TCP11L1: variants seen among roughly 807,000 people sequenced by gnomAD.
TCP11L1 encodes t-complex 11 like 1.
TCP11L1 carries 28 observed loss-of-function variants against 48.9 expected under a neutral mutation model. The observed-to-expected ratio is 0.57, with a 90% confidence interval of 0.42 to 0.78. TCP11L1 has a LOEUF of 0.78. Among genes scored for constraint, TCP11L1 ranks in the 30% least tolerant of loss-of-function variants. TCP11L1 has a pLI of 0.00. For synonymous variants in TCP11L1, 204 were observed against 231.9 expected (o/e 0.88, Z 1.09); for missense variants, 505 against 613.4 (o/e 0.82, Z 1.87).
intron 5 of TCP11L1, among the ~76,000 whole-genome samples, chr11:33,058,665 T>C (rs1564982246): frequency 1.3e-5 from 2 of 152,256 alleles, no homozygotes; most frequent in South Asian, 4.1e-4. Flanking sequence ...ATATTTTTTA[T>C]ACATTAATTT....
chr11:33,058,236 T>TC, intron 5 of TCP11L1, 97 bp downstream of exon 5: 1 of 1,186,516 alleles, frequency 8.4e-7, no homozygotes, highest in African/African-American at 1.6e-5. Context: ...TCTCACTCTG[T>TC]TGCAAAGGCT....
intron 2 of TCP11L1, 168 bp downstream of exon 2, chr11:33,044,104 G>A (rs1031104107): frequency 1.7e-6 from 1 of 599,112 alleles, no homozygotes; most frequent in African/African-American, 1.9e-5. Context: ...CTAGCTACTT[G>A]TGGATTTTCA....
At chr11:33,055,021 A>G (rs992820366) in intron 3 of TCP11L1, among the ~76,000 whole-genome samples, 1 of 152,232 alleles carries the variant, frequency 6.6e-6, no homozygotes, top group Non-Finnish European at 1.5e-5. Flanking sequence ...TTTCATCGCA[A>G]AGGCGAAGAC....
intron 1 of TCP11L1, among the ~76,000 whole-genome samples, chr11:33,042,565 A>G (rs1390419865): frequency 6.6e-6 from 1 of 152,144 alleles, no homozygotes; most frequent in African/African-American, 2.4e-5. Flanking sequence ...TCTTACTCAC[A>G]ATCTTTTTCC....
At chr11:33,050,663 C>T (rs979729169) in intron 2 of TCP11L1, among the ~76,000 whole-genome samples, 1 of 151,704 alleles carries the variant, frequency 6.6e-6, no homozygotes, top group South Asian at 2.1e-4. Context: ...AACAAAAAAA[C>T]CTTTTTATTT....
At chr11:33,048,689 GT>G (rs1306315852) in intron 2 of TCP11L1, among the ~76,000 whole-genome samples, 1 of 152,104 alleles carries the variant, frequency 6.6e-6, no homozygotes, top group Non-Finnish European at 1.5e-5. Context: ...GGTGCAAGCT[GT>G]TTTTTTCCAA....
intron 2 of TCP11L1, 115 bp from the exon 3 acceptor site, chr11:33,054,478 T>G: frequency 1.5e-6 from 2 of 1,306,810 alleles, no homozygotes; most frequent in Non-Finnish European, 2.1e-6. Flanking sequence ...AGAACAAACA[T>G]TTTAATAGAC....
In TCP11L1 at chr11:33,059,841, G is replaced by A. The variant is rs142546115; in HGVS notation, c.775+746G>A. On this transcript the variant is annotated intron_variant, in intron 6 of 9. Transcript: ENST00000334274. ...AGGAGTCTGAGGTAGTGCTGGGGCC[G>A]GGGCAGGTTGAGAAAGGACAGGGTA... Among the ~76,000 whole-genome samples the A allele has an allele frequency of 2.7e-3, 405 of 152,286 alleles. 4 individuals are homozygous for A. Among genetic ancestry groups the A allele is most frequent in the Non-Finnish European group, 2.4e-3 (162 of 68,030 alleles).
chr11:33,058,833 CA>C (rs1172902737), intron 5 of TCP11L1, 125 bp from the exon 6 acceptor site: 1 of 972,180 alleles, frequency 1.0e-6, no homozygotes, highest in East Asian at 2.7e-5. Context: ...TGGGCTCAAG[CA>C]GTCCTCCCGC....
intron 8 of TCP11L1, among the ~76,000 whole-genome samples, chr11:33,068,047 G>A (rs1420579905): frequency 1.3e-5 from 2 of 151,956 alleles, no homozygotes; most frequent in African/African-American, 4.8e-5. Context: ...CTCCTGAGTA[G>A]CTGGGATTAC....
intron 6 of TCP11L1, among the ~76,000 whole-genome samples, chr11:33,059,510 A>G (rs1374034579): frequency 1.3e-5 from 2 of 152,160 alleles, no homozygotes; most frequent in African/African-American, 4.8e-5. Flanking sequence ...CTGGATGCAT[A>G]AATCTTCTTG....
In TCP11L1 at chr11:33,064,780, A is replaced by AT. The variant is rs112508828; in HGVS notation, c.973-1045dup. ...CAGTCCTCCCTTCCATTGCTCTGGG[A>AT]TTTTTGTTGTTGTTGTTTTAAGATG... On this transcript the variant is annotated intron_variant, in intron 7 of 9. Coordinates refer to ENST00000334274, the MANE Select transcript of TCP11L1 (RefSeq NM_018393.4). Among the ~76,000 whole-genome samples, 959 of 151,898 alleles carry AT rather than the reference A, an allele frequency of 6.3e-3. 5 individuals are homozygous for AT. Among genetic ancestry groups the AT allele is most frequent in the African/African-American group, 0.022 (899 of 41,392 alleles).
At chr11:33,046,753 A>T (rs1481004070) in intron 2 of TCP11L1, among the ~76,000 whole-genome samples, 2 of 152,218 alleles carry the variant, frequency 1.3e-5, no homozygotes, top group African/African-American at 4.8e-5. Flanking sequence ...ATAAATAAGG[A>T]TTTACAAAAT....
At chr11:33,068,497 G>GAGAAAGAAAGAA in intron 8 of TCP11L1, among the ~76,000 whole-genome samples, 190 bp from the exon 9 acceptor site, 1 of 151,856 alleles carries the variant, frequency 6.6e-6, no homozygotes, top group Non-Finnish European at 1.5e-5. Flanking sequence ...AGCAGAGGGA[G>GAGAAAGAAAGAA]AGAAAGAAAG....
intron 8 of TCP11L1, among the ~76,000 whole-genome samples, chr11:33,067,419 G>T (rs895731983): frequency 2.6e-5 from 4 of 152,160 alleles, no homozygotes; most frequent in Non-Finnish European, 4.4e-5. Flanking sequence ...GTGCAGTGTG[G>T]GGCGTGTCCG....
Position 33,072,511 on chromosome 11 carries a change from C to T in TCP11L1, c.1365C>T (p.Ala455=). 2 of 1,614,118 alleles carry T rather than the reference C, an allele frequency of 1.2e-6. No homozygotes were observed. Among genetic ancestry groups the T allele is most frequent in the Non-Finnish European group, 1.7e-6 (2 of 1,180,030 alleles). ...RILTFLETYL[A]SGHQKPLPTV... Reference sequence around the variant, plus strand: ...TGACCTTCTTAGAAACCTACCTTGCCTCGGGTCATCAGAAGCCATTGCCCA... The same window carrying T: ...TGACCTTCTTAGAAACCTACCTTGCTTCGGGTCATCAGAAGCCATTGCCCA... Residue 455 remains alanine, a synonymous_variant, in exon 10 of 10, where the codon GCC becomes GCT. Coordinates refer to ENST00000334274, the MANE Select transcript of TCP11L1 (RefSeq NM_018393.4).
Position 33,057,252 on chromosome 11 carries a change from A to T in TCP11L1, c.417+17A>T. The T allele has an allele frequency of 6.2e-7, 1 of 1,614,084 alleles. No homozygotes were observed. Among genetic ancestry groups the T allele is most frequent in the Non-Finnish European group, 8.5e-7 (1 of 1,179,980 alleles). ...ATCAAAGAGGTGAGGCAAAGAGTGA[A>T]TTGTGATGCTTTTCTGGTGTGTTAG... On this transcript the variant is annotated intron_variant, in intron 4 of 9. Coordinates refer to ENST00000334274, the MANE Select transcript of TCP11L1 (RefSeq NM_018393.4).
At chr11:33,055,920 T>C (rs10430948) in intron 3 of TCP11L1, among the ~76,000 whole-genome samples, 84,243 of 152,024 alleles carry the variant, frequency 0.55, 23,479 homozygotes, top group Middle Eastern at 0.66. Flanking sequence ...CAGGTTCAAG[T>C]GATTCTCTTG....
rs1490267457 is a variant in TCP11L1 at position 33,061,601 on chromosome 11, G to A, written c.847G>A (p.Ala283Thr). Residue 283 changes from alanine to threonine, a missense_variant, in exon 7 of 10, where the codon GCC becomes ACC. Ala to Thr is a moderately conservative substitution (Grantham distance 58). This residue lies in a region of TCP11L1 where 335 missense variants were observed against 413.3 expected (regional missense o/e 0.81). Transcript: ENST00000334274. ...CCTTATGACTCAGAAGTATAAACACGCCCTGCCAGTGGGGGGAATGGCTGC... is the reference window on the plus strand; with the variant it reads ...CCTTATGACTCAGAAGTATAAACACACCCTGCCAGTGGGGGGAATGGCTGC... ...EDLMTQKYKH[A>T]LPVGGMAAGS... 21 of 1,612,470 alleles carry A rather than the reference G, an allele frequency of 1.3e-5. No individual in the cohort carries two copies. The highest frequency in any genetic ancestry group is 5.3e-5 in the African/African-American group (4 of 74,868).
Sources: gnomAD v4.1 joint callset for allele counts (sites outside exome capture counted in the v4.1 genomes callset) on GRCh38, gnomAD v4.1.1 for gene constraint, gnomAD v4.1.1 regional missense constraint, MANE v1.5 for transcripts, NCBI Gene and HGNC (gene_info 2026-07-23, HGNC 2026-07-21) for gene names.